RNF38: variants seen among roughly 807,000 people sequenced by gnomAD.
The protein encoded by RNF38 is E3 ubiquitin-protein ligase RNF38.
Under a neutral mutation model 67.2 loss-of-function variants are expected in RNF38, and 15 were observed. The observed-to-expected ratio is 0.22, with a 90% confidence interval of 0.15 to 0.34. RNF38 has a LOEUF of 0.34. RNF38 is among the 10% of genes least tolerant of loss of function. The pLI is 1.00. For synonymous variants in RNF38, 220 were observed against 218.8 expected (o/e 1.01, Z -0.05); for missense variants, 524 against 639.9 (o/e 0.82, Z 1.95).
At chr9:36,466,891 A>G (rs942847814) in intron 1 of RNF38, among the ~76,000 whole-genome samples, 10 of 151,718 alleles carry the variant, frequency 6.6e-5, no homozygotes, top group African/African-American at 2.4e-4. Flanking sequence ...AAAAGGCATA[A>G]AGACAGCCAG....
intron 2 of RNF38, among the ~76,000 whole-genome samples, chr9:36,407,239 G>C (rs1200504945): frequency 1.3e-5 from 2 of 152,162 alleles, no homozygotes; most frequent in African/African-American, 2.4e-5. Flanking sequence ...GGCAGCAAAG[G>C]CTCACCCAAA....
In RNF38 at chr9:36,453,877, G is replaced by A. The variant is rs377665090; in HGVS notation, n.242-29194C>T. Among the ~76,000 whole-genome samples, 114 of 152,266 alleles carry A rather than the reference G, an allele frequency of 7.5e-4. 2 individuals are homozygous for A. In the South Asian group the frequency reaches 0.022, roughly 30 times the overall value. ...GACATAGTAGTCATGTACACGATTAGAGATTCATACTGAAATATTTATAGA... is the reference window on the plus strand; with the variant it reads ...GACATAGTAGTCATGTACACGATTAAAGATTCATACTGAAATATTTATAGA... On this transcript the variant is annotated intron_variant and non_coding_transcript_variant, in intron 1 of 3. Coordinates refer to the RNF38 transcript ENST00000488058.
At chr9:36,441,976 C>CAAGAG (rs1839201428) in intron 1 of RNF38, among the ~76,000 whole-genome samples, 1 of 152,196 alleles carries the variant, frequency 6.6e-6, no homozygotes, top group Non-Finnish European at 1.5e-5. Flanking sequence ...TATTAGCCTA[C>CAAGAG]TCTTAGACAC....
At chr9:36,473,830 C>T (rs1840055735) in intron 1 of RNF38, among the ~76,000 whole-genome samples, 1 of 148,122 alleles carries the variant, frequency 6.8e-6, no homozygotes, top group East Asian at 2.0e-4. Flanking sequence ...ACTAAAAATA[C>T]AAAAAAATTA....
chr9:36,466,680 T>C (rs1207313284), intron 1 of RNF38, among the ~76,000 whole-genome samples: 1 of 152,156 alleles, frequency 6.6e-6, no homozygotes, highest in East Asian at 1.9e-4. Context: ...TTCAGAACAA[T>C]ATATATACTA....
At chr9:36,355,739 T>C (rs1326881140) in intron 6 of RNF38, among the ~76,000 whole-genome samples, 1 of 152,172 alleles carries the variant, frequency 6.6e-6, no homozygotes, top group Non-Finnish European at 1.5e-5. Context: ...TTAAAATAAC[T>C]AGAAAAATTT....
intron 1 of RNF38, among the ~76,000 whole-genome samples, chr9:36,479,087 A>G (rs1840189234): frequency 6.6e-6 from 1 of 152,124 alleles, no homozygotes; most frequent in African/African-American, 2.4e-5. Context: ...CGTTCCTGTC[A>G]CTATTAACAA....
At chr9:36,476,164 A>G (rs1387810258) in intron 1 of RNF38, among the ~76,000 whole-genome samples, 2 of 152,186 alleles carry the variant, frequency 1.3e-5, no homozygotes, top group Non-Finnish European at 2.9e-5. Flanking sequence ...TCGCTCAGCC[A>G]CCCAGGCTAG....
At chr9:36,422,566 G>A (rs1302964345) in intron 2 of RNF38, among the ~76,000 whole-genome samples, 3 of 152,168 alleles carry the variant, frequency 2.0e-5, no homozygotes, top group South Asian at 2.1e-4. Flanking sequence ...TAGACACATA[G>A]CTACCTATCG....
intron 2 of RNF38, among the ~76,000 whole-genome samples, chr9:36,384,339 C>T (rs1173137919): frequency 6.6e-6 from 1 of 152,186 alleles, no homozygotes; most frequent in Admixed American, 6.5e-5. Flanking sequence ...CTGTAAACAG[C>T]TGAAGCTCAG....
chr9:36,476,201 T>G (rs1343885923), intron 1 of RNF38, among the ~76,000 whole-genome samples: 1 of 152,132 alleles, frequency 6.6e-6, no homozygotes, highest in Non-Finnish European at 1.5e-5. Flanking sequence ...CTCGACTCAC[T>G]GCAACCATGG....
chr9:36,443,753 T>C, intron 1 of RNF38, among the ~76,000 whole-genome samples: 1 of 152,170 alleles, frequency 6.6e-6, no homozygotes, highest in Admixed American at 6.5e-5. Flanking sequence ...AACAGACTCA[T>C]CCATCTGGTT....
At chr9:36,426,211 TTATC>T (rs1331600955) in intron 1 of RNF38, among the ~76,000 whole-genome samples, 1 of 152,176 alleles carries the variant, frequency 6.6e-6, no homozygotes, top group Non-Finnish European at 1.5e-5. Flanking sequence ...TACTACACAA[TTATC>T]TATTATTTAA....
In RNF38 at chr9:36,400,162, TCC is replaced by T; in HGVS notation, c.-56_-55del. On this transcript the variant is annotated 5_prime_UTR_variant, in exon 1 of 12. Coordinates refer to ENST00000259605, the MANE Select transcript of RNF38 (RefSeq NM_022781.5). The stretch of plus-strand genomic sequence containing the variant: ...TTTGGACCTCAATAACCTGAAACAC[TCC>T]CGTTTCAAAAACCAACCTCTCTCAC... The T allele has an allele frequency of 6.2e-7, 1 of 1,601,772 alleles. No homozygotes were observed. The highest frequency in any genetic ancestry group is 8.5e-7 in the Non-Finnish European group (1 of 1,174,856).
At chr9:36,401,352 A>G (rs1838025709), upstream of RNF38, among the ~76,000 whole-genome samples, 2 of 149,208 alleles carry the variant, frequency 1.3e-5, no homozygotes, top group African/African-American at 5.0e-5. Flanking sequence ...TCCAATTCCT[A>G]TAGATTTTCT....
chr9:36,373,852 C>T (rs1213273000), intron 3 of RNF38, among the ~76,000 whole-genome samples: 3 of 151,542 alleles, frequency 2.0e-5, no homozygotes, highest in African/African-American at 4.9e-5. Context: ...AATGCACACC[C>T]GGCTAATTTT....
At chr9:36,427,657 CT>C (rs1838806601) in intron 1 of RNF38, among the ~76,000 whole-genome samples, 1,486 of 147,184 alleles carry the variant, frequency 0.01, 29 homozygotes, top group African/African-American at 0.035. Flanking sequence ...ATTTCCCAGC[CT>C]CTATCTATCT....
chr9:36,448,199 C>A (rs1839352950), intron 1 of RNF38, among the ~76,000 whole-genome samples: 1 of 152,208 alleles, frequency 6.6e-6, no homozygotes, highest in Admixed American at 6.5e-5. Flanking sequence ...CCAACCATAT[C>A]CCTGCAGCCA....
At chr9:36,431,749 A>G (rs1838939267) in intron 1 of RNF38, among the ~76,000 whole-genome samples, 1 of 152,184 alleles carries the variant, frequency 6.6e-6, no homozygotes, top group Non-Finnish European at 1.5e-5. Context: ...GCCATTGGTA[A>G]CTGAACTCAA....
Sources: gnomAD v4.1 joint callset for allele counts (sites outside exome capture counted in the v4.1 genomes callset) on GRCh38, gnomAD v4.1.1 for gene constraint, MANE v1.5 for transcripts, NCBI Gene and HGNC (gene_info 2026-07-23, HGNC 2026-07-21) for gene names.